Variants in PCDH15 observed in about 807,000 individuals in gnomAD.
PCDH15 encodes protocadherin related 15, also known as protocadherin-15.
In PCDH15, 129 loss-of-function variants were observed where a neutral mutation model predicts 178.5. The observed-to-expected ratio is 0.72, with a 90% CI of 0.63 to 0.84. The LOEUF is 0.84. PCDH15 is among the 40% of genes least tolerant of loss of function. The pLI is 0.00. For missense variants in PCDH15, 2,230 were observed against 2,099.9 expected (o/e 1.06, Z -1.21); for synonymous variants, 800 against 732.0 (o/e 1.09, Z -1.50).
intron 4 of PCDH15, among the ~76,000 whole-genome samples, chr10:54,375,425 T>C (rs1164431249): frequency 6.6e-6 from 1 of 152,212 alleles, no homozygotes; most frequent in East Asian, 1.9e-4. Flanking sequence ...GTAGTTTTCC[T>C]CTCTCCCTGG....
chr10:54,662,208 A>C (rs917863057), intron 2 of PCDH15, among the ~76,000 whole-genome samples: 1 of 151,964 alleles, frequency 6.6e-6, no homozygotes, highest in African/African-American at 2.4e-5. Flanking sequence ...AACAAGAACA[A>C]AACATATAAC....
At chr10:54,027,545 A>G (rs866392246) in intron 18 of PCDH15, among the ~76,000 whole-genome samples, 1 of 150,076 alleles carries the variant, frequency 6.7e-6, no homozygotes, top group African/African-American at 2.5e-5. Flanking sequence ...AAACTATACT[A>G]CAAGGCTACA....
chr10:55,179,298 G>C (rs868106798), intron 1 of PCDH15, among the ~76,000 whole-genome samples: 5 of 152,006 alleles, frequency 3.3e-5, no homozygotes, highest in African/African-American at 1.2e-4. Context: ...CTCTTCAGAG[G>C]GGGGATTGAT....
At chr10:53,926,741 G>A (rs2084587890) in intron 25 of PCDH15, among the ~76,000 whole-genome samples, 1 of 152,140 alleles carries the variant, frequency 6.6e-6, no homozygotes, top group African/African-American at 2.4e-5. Flanking sequence ...TGCTTCAAAT[G>A]TTTTGCAGAG....
chr10:53,824,335 G>C (rs1588950129), intron 32 of PCDH15, among the ~76,000 whole-genome samples: 1 of 152,068 alleles, frequency 6.6e-6, no homozygotes, highest in African/African-American at 2.4e-5. Context: ...ATTCTCATTA[G>C]CTTTTACTCT....
Position 54,776,437 on chromosome 10 carries a change from TA to T in PCDH15, c.-29+24487del, listed in dbSNP as rs60354820. ...TGAGACACAGTTCTAACCATACAAT[TA>T]AAAAAAAAAAAGATTCCAAGCAGTT... On this transcript the variant is annotated intron_variant, in intron 1 of 37. Coordinates refer to ENST00000644397, the MANE Select transcript of PCDH15 (RefSeq NM_001384140.1). Among the ~76,000 whole-genome samples, 479 of 144,784 alleles carry T rather than the reference TA, an allele frequency of 3.3e-3. 3 individuals carry two copies. Among genetic ancestry groups the T allele is most frequent in the African/African-American group, 6.6e-3 (263 of 39,792 alleles). The allele number at this position is 144,784 out of a possible 152,430, so 95.0% of individuals were successfully genotyped here. A position where few individuals can be genotyped will look rare whatever the true frequency, so the allele number is the denominator to read the frequency against.
intron 13 of PCDH15, among the ~76,000 whole-genome samples, chr10:54,160,820 T>C (rs1430351030): frequency 6.6e-6 from 1 of 152,156 alleles, no homozygotes; most frequent in African/African-American, 2.4e-5. Context: ...AATTAATTTG[T>C]CATTAAGGGA....
intron 2 of PCDH15, among the ~76,000 whole-genome samples, chr10:55,499,551 C>T (rs1840609432): frequency 1.3e-5 from 2 of 151,246 alleles, no homozygotes; most frequent in East Asian, 3.9e-4. Context: ...TGTCTTTGTA[C>T]ATTCTTTTAA....
At chr10:55,257,557 C>T (rs971930291) in intron 1 of PCDH15, among the ~76,000 whole-genome samples, 6 of 152,042 alleles carry the variant, frequency 3.9e-5, no homozygotes, top group African/African-American at 1.2e-4. Context: ...AACTACGGCA[C>T]GAGAACTACC....
chr10:54,760,882 T>C (rs1947787313), intron 1 of PCDH15, among the ~76,000 whole-genome samples: 1 of 152,146 alleles, frequency 6.6e-6, no homozygotes, highest in Non-Finnish European at 1.5e-5. Flanking sequence ...CATGTTAAGA[T>C]AGAATAATAA....
chr10:55,297,070 A>G (rs1843151154), intron 1 of PCDH15, among the ~76,000 whole-genome samples: 1 of 152,152 alleles, frequency 6.6e-6, no homozygotes, highest in Non-Finnish European at 1.5e-5. Flanking sequence ...TCTGGGACAG[A>G]GCAGTAAATA....
chr10:55,426,555 C>T (rs1332592782), intron 2 of PCDH15, among the ~76,000 whole-genome samples: 1 of 152,130 alleles, frequency 6.6e-6, no homozygotes, highest in Non-Finnish European at 1.5e-5. Context: ...TGCTCTTTAG[C>T]TCGGCCGTCC....
Position 55,036,756 on chromosome 10 carries a change from G to A in PCDH15, c.-80+129820C>T, listed in dbSNP as rs552322041. 1.1e-4 allele frequency among the ~76,000 whole-genome samples: 17 copies of A among 152,160 alleles called. No individual in the cohort carries two copies. The East Asian group carries it at 1.2e-3, about 10-fold the overall frequency. On this transcript the variant is annotated intron_variant, in intron 2 of 5. Coordinates refer to the PCDH15 transcript ENST00000458638. ...TCTATGTGTTTCTCAAAAACATATC[G>A]TATATTTATCTAAACTATAAACAAT...
chr10:55,422,409 C>A (rs527828790), intron 2 of PCDH15, among the ~76,000 whole-genome samples: 6 of 151,878 alleles, frequency 4.0e-5, no homozygotes, highest in African/African-American at 1.4e-4. Context: ...TAATGTTAAA[C>A]CATTCATTGA....
At chr10:53,889,924 A>G (rs1480282753) in intron 26 of PCDH15, among the ~76,000 whole-genome samples, 1 of 152,230 alleles carries the variant, frequency 6.6e-6, no homozygotes, top group Non-Finnish European at 1.5e-5. Flanking sequence ...GTAAACAAGA[A>G]AAACAAATTT....
chr10:55,078,661 C>A (rs1159829405), intron 2 of PCDH15, among the ~76,000 whole-genome samples: 1 of 151,858 alleles, frequency 6.6e-6, no homozygotes, highest in African/African-American at 2.4e-5. Flanking sequence ...AGGGGTACAG[C>A]TCATTTTTGG....
intron 1 of PCDH15, among the ~76,000 whole-genome samples, chr10:55,181,942 T>C (rs1370609227): frequency 2.6e-5 from 4 of 151,984 alleles, no homozygotes; most frequent in African/African-American, 9.7e-5. Flanking sequence ...TTACTAGACT[T>C]AAATCTCTAT....
chr10:54,932,768 T>C (rs1628221), intron 2 of PCDH15, among the ~76,000 whole-genome samples: 20,479 of 152,022 alleles, frequency 0.13, 1,567 homozygotes, highest in East Asian at 0.23. Flanking sequence ...AACCCCTGAC[T>C]GCAGATGATC....
At chr10:54,836,585 A>C (rs1953320924) in intron 3 of PCDH15, among the ~76,000 whole-genome samples, 1 of 152,096 alleles carries the variant, frequency 6.6e-6, no homozygotes. Context: ...ATTTGTGTGT[A>C]TTTTTTTGAA....
Sources: allele counts gnomAD v4.1 joint callset (sites outside exome capture counted in the v4.1 genomes callset), GRCh38; gene constraint gnomAD v4.1.1; transcripts MANE v1.5; gene names NCBI Gene and HGNC (gene_info 2026-07-23, HGNC 2026-07-21).